Variants in TRABD2B observed in about 807,000 individuals in gnomAD.
The protein encoded by TRABD2B is TraB domain containing 2B.
In TRABD2B, 14 loss-of-function variants were observed where a neutral mutation model predicts 40.1. The ratio of observed to expected loss-of-function variants is 0.35; its 90% CI spans 0.23 to 0.55. The LOEUF is 0.55. Ranked by LOEUF, TRABD2B falls within the 20% of genes least tolerant of loss-of-function variation. The probability of loss-of-function intolerance (pLI) is 0.90; values close to 1 mark genes in which losing one functional copy is unlikely to be tolerated. For synonymous variants in TRABD2B, 263 were observed against 277.0 expected, an observed-to-expected ratio of 0.95 and a Z score of 0.50; for missense variants, 541 against 648.6, an observed-to-expected ratio of 0.83 and a Z score of 1.80.
chr1:47,872,165 A>G (rs1349815425), intron 2 of TRABD2B, among the ~76,000 whole-genome samples: 3 of 151,942 alleles, frequency 2.0e-5, no homozygotes, highest in African/African-American at 7.3e-5. Flanking sequence ...CTCTCTGGGG[A>G]CCCTATGTCT....
intron 2 of TRABD2B, among the ~76,000 whole-genome samples, chr1:47,941,168 G>A (rs1645181644): frequency 6.6e-6 from 1 of 152,148 alleles, no homozygotes; most frequent in African/African-American, 2.4e-5. Context: ...ACCAAGGAGA[G>A]GAGAGGGGAC....
At chr1:47,892,759 G>A (rs1251389545) in intron 2 of TRABD2B, among the ~76,000 whole-genome samples, 1 of 152,220 alleles carries the variant, frequency 6.6e-6, no homozygotes, top group African/African-American at 2.4e-5. Flanking sequence ...TGGTGAGGAG[G>A]TGATAACAGC....
At chr1:47,973,746 T>C (rs186628983) in intron 2 of TRABD2B, among the ~76,000 whole-genome samples, 1 of 152,314 alleles carries the variant, frequency 6.6e-6, no homozygotes, top group Non-Finnish European at 1.5e-5. Context: ...CCTCCCAGCT[T>C]TCTCTATTCT....
chr1:47,845,646 G>A (rs1645458608), intron 2 of TRABD2B, among the ~76,000 whole-genome samples: 1 of 152,128 alleles, frequency 6.6e-6, no homozygotes, highest in South Asian at 2.1e-4. Context: ...CTCTCCTCAG[G>A]CATATGTGCA....
At position 47,794,758 on chromosome 1, in the gene TRABD2B, C is replaced by G. The variant is rs1434427972; in HGVS notation, c.816G>C (p.Leu272=). 6.6e-7 allele frequency: 1 copy of G among 1,516,424 alleles called. No individual in the cohort carries two copies. Among genetic ancestry groups the G allele is most frequent in the Admixed American group, 2.0e-5 (1 of 48,828 alleles). The allele number at this position is 1,516,424 out of a possible 1,614,324, so 93.9% of individuals were successfully genotyped here. Reference sequence around the variant, plus strand: ...GGAGGGTGGTGTTGATAAAGTTGGGCAGCTGCAAAGGCAAGACAGAGGCTG... The same window carrying G: ...GGAGGGTGGTGTTGATAAAGTTGGGGAGCTGCAAAGGCAAGACAGAGGCTG... The part of the protein sequence containing the change: ...AVIFNHDTSQ[L]PNFINTTLPP... Residue 272 remains leucine (L), a splice_region_variant and synonymous_variant, in exon 4 of 7, where the codon CTG becomes CTC. Transcript: ENST00000606738.
intron 4 of TRABD2B, among the ~76,000 whole-genome samples, chr1:47,782,211 C>T (rs1432704978): frequency 6.6e-6 from 1 of 152,228 alleles, no homozygotes; most frequent in Non-Finnish European, 1.5e-5. Context: ...GCGTCTCAAC[C>T]AGGCTCTGCT....
intron 6 of TRABD2B, among the ~76,000 whole-genome samples, chr1:47,768,530 C>T (rs1644336187): frequency 6.6e-6 from 1 of 152,186 alleles, no homozygotes; most frequent in Admixed American, 6.5e-5. Flanking sequence ...AGACTCAATG[C>T]CCTTCCCCTG....
intron 2 of TRABD2B, among the ~76,000 whole-genome samples, chr1:47,841,778 TTC>T (rs1645400243): frequency 7.3e-6 from 1 of 136,072 alleles, no homozygotes; most frequent in African/African-American, 2.7e-5. Flanking sequence ...TCCTTTTCTT[TTC>T]TTTTTCTTTT....
rs114400848 is a variant in TRABD2B at position 47,971,448 on chromosome 1, C to T, written c.666+22586G>A. Among the ~76,000 whole-genome samples, 693 of 152,314 alleles carry T rather than the reference C, an allele frequency of 4.5e-3. 6 individuals are homozygous for T. The highest frequency in any genetic ancestry group is 0.016 in the African/African-American group (652 of 41,574). Reference sequence around the variant, plus strand: ...TTATCTCCTTGGAAATGATCTCTCTCGCCAATCTGAATTCTTAAAACAATT... The same window carrying T: ...TTATCTCCTTGGAAATGATCTCTCTTGCCAATCTGAATTCTTAAAACAATT... On this transcript the variant is annotated intron_variant, in intron 2 of 6. Coordinates refer to ENST00000606738, the MANE Select transcript of TRABD2B (RefSeq NM_001194986.2).
At chr1:47,836,861 C>T (rs977318476) in intron 2 of TRABD2B, among the ~76,000 whole-genome samples, 1 of 152,200 alleles carries the variant, frequency 6.6e-6, no homozygotes, top group African/African-American at 2.4e-5. Flanking sequence ...CCTTACCAGA[C>T]ACTGAATATG....
chr1:47,956,992 C>T (rs1364549293), intron 2 of TRABD2B, among the ~76,000 whole-genome samples: 1 of 152,206 alleles, frequency 6.6e-6, no homozygotes, highest in Non-Finnish European at 1.5e-5. Context: ...AACCGGGTGC[C>T]CCTCTGAGAC....
At chr1:47,795,306 C>T (rs545764578) in intron 3 of TRABD2B, among the ~76,000 whole-genome samples, 1 of 152,366 alleles carries the variant, frequency 6.6e-6, no homozygotes, top group South Asian at 2.1e-4. Flanking sequence ...GGCCTAGCTT[C>T]TGGGCTTCCA....
intron 6 of TRABD2B, among the ~76,000 whole-genome samples, chr1:47,770,798 G>C (rs1471641881): frequency 1.3e-5 from 2 of 152,210 alleles, no homozygotes; most frequent in Non-Finnish European, 2.9e-5. Flanking sequence ...CTCATTTAAG[G>C]GTTTGGCCAA....
intron 2 of TRABD2B, among the ~76,000 whole-genome samples, chr1:47,899,223 A>T (rs1644565644): frequency 1.3e-5 from 2 of 152,162 alleles, no homozygotes; most frequent in South Asian, 4.1e-4. Flanking sequence ...CTTGCCCCAC[A>T]GATCTTGGCA....
intron 2 of TRABD2B, among the ~76,000 whole-genome samples, chr1:47,837,320 G>A (rs554857395): frequency 2.0e-5 from 3 of 152,328 alleles, no homozygotes; most frequent in Admixed American, 2.0e-4. Context: ...AGGACGTCTT[G>A]TTAAGAACGG....
intron 2 of TRABD2B, among the ~76,000 whole-genome samples, chr1:47,904,849 A>AT (rs1282087129): frequency 2.0e-5 from 3 of 152,224 alleles, no homozygotes; most frequent in Non-Finnish European, 4.4e-5. Context: ...CTTTCAAAAT[A>AT]TAATATCCTC....
rs1033545854 is a variant in TRABD2B, at chr1:47,772,047, G to A, written c.1349+3123C>T. ...CTGTGTCAGGACAGGGGCACCCACC[G>A]GCACTGCGTGGAGGAAGGGAGGCCT... On this transcript the variant is annotated intron_variant, in intron 6 of 6. Coordinates refer to ENST00000606738, the MANE Select transcript of TRABD2B (RefSeq NM_001194986.2). 7.9e-5 allele frequency among the ~76,000 whole-genome samples: 12 copies of A among 151,818 alleles called. 1 individual carries two copies. The highest frequency in any genetic ancestry group is 3.9e-4 in the East Asian group (2 of 5,130).
At chr1:47,971,328 T>C (rs1353688859) in intron 2 of TRABD2B, among the ~76,000 whole-genome samples, 1 of 152,220 alleles carries the variant, frequency 6.6e-6, no homozygotes, top group Non-Finnish European at 1.5e-5. Flanking sequence ...CTTAACCTTC[T>C]GAATGTCAGC....
chr1:47,825,503 C>T lies in TRABD2B; in HGVS notation c.667-23884G>A, dbSNP rs117302204. Among the ~76,000 whole-genome samples, 138 of 152,362 alleles carry T rather than the reference C, an allele frequency of 9.1e-4. 4 individuals are homozygous for T. The East Asian group carries it at 0.024, about 26-fold the overall frequency. On this transcript the variant is annotated intron_variant, in intron 2 of 6. Coordinates refer to ENST00000606738, the MANE Select transcript of TRABD2B (RefSeq NM_001194986.2). ...AAGCTATGCCCTCCACCTAGAAGGG[C>T]CTCCTGCCAAACCTCCACCTGGCTG...
Sources: gnomAD v4.1 joint callset for allele counts (sites outside exome capture counted in the v4.1 genomes callset) on GRCh38, gnomAD v4.1.1 for gene constraint, MANE v1.5 for transcripts, NCBI Gene and HGNC (gene_info 2026-07-23, HGNC 2026-07-21) for gene names.